Variants in TTC29 observed in about 807,000 individuals in gnomAD.
TTC29 encodes the protein tetratricopeptide repeat domain 29.
TTC29 carries 49 observed loss-of-function variants against 58.1 expected under a neutral mutation model. The ratio of observed to expected loss-of-function variants is 0.84; its 90% CI spans 0.67 to 1.07. TTC29 has a LOEUF of 1.07. Among genes scored for constraint, TTC29 ranks in the 50% least tolerant of loss-of-function variants. The pLI is 0.00. For missense variants in TTC29, 582 were observed against 555.6 expected, an observed-to-expected ratio of 1.05 and a Z score of -0.48; for synonymous variants, 209 against 196.8, an observed-to-expected ratio of 1.06 and a Z score of -0.52.
chr4:146,710,809 G>A (rs1383686603), intron 11 of TTC29, among the ~76,000 whole-genome samples: 3 of 152,092 alleles, frequency 2.0e-5, no homozygotes, highest in Admixed American at 6.6e-5. Flanking sequence ...GTAGATTCAA[G>A]TGGGCAACAA....
chr4:146,766,929 A>G (rs184918955), intron 11 of TTC29, among the ~76,000 whole-genome samples: 16 of 152,210 alleles, frequency 1.1e-4, no homozygotes, highest in African/African-American at 3.1e-4. Context: ...TAAGATAAAA[A>G]AAAGATAATT....
chr4:146,817,621 C>T (rs997059571), intron 10 of TTC29, among the ~76,000 whole-genome samples: 13 of 152,294 alleles, frequency 8.5e-5, no homozygotes, highest in African/African-American at 3.1e-4. Flanking sequence ...GCCCGCATCA[C>T]CAAGTCAATC....
At chr4:146,782,668 T>G (rs1748710111) in intron 11 of TTC29, among the ~76,000 whole-genome samples, 1 of 151,988 alleles carries the variant, frequency 6.6e-6, no homozygotes, top group African/African-American at 2.4e-5. Context: ...TATTCCATGA[T>G]GTAAAATGCT....
At chr4:146,888,202 G>A (rs1289708471) in intron 6 of TTC29, among the ~76,000 whole-genome samples, 2 of 152,190 alleles carry the variant, frequency 1.3e-5, no homozygotes, top group African/African-American at 4.8e-5. Flanking sequence ...TTGCTAGACT[G>A]CTTTGTGGTA....
intron 11 of TTC29, among the ~76,000 whole-genome samples, chr4:146,753,194 C>G (rs1746155026): frequency 6.6e-6 from 1 of 152,042 alleles, no homozygotes; most frequent in Non-Finnish European, 1.5e-5. Context: ...TGAACTCAAA[C>G]AAATTTACAA....
At position 146,874,700 on chromosome 4, in the gene TTC29, G is replaced by A; in HGVS notation, c.799+16C>T. The A allele has an allele frequency of 6.3e-7, 1 of 1,577,506 alleles. No homozygotes were observed. The highest frequency in any genetic ancestry group is 1.8e-5 in the Admixed American group (1 of 56,182). ...CCATTAAAGAAAGCAATGTGAGAGA[G>A]TTCTTTTCCACCCACCTTCTTTGGC... On this transcript the variant is annotated intron_variant, in intron 7 of 12. Coordinates refer to ENST00000325106, the MANE Select transcript of TTC29 (RefSeq NM_031956.4).
At chr4:146,860,852 T>C (rs1323819574) in intron 8 of TTC29, among the ~76,000 whole-genome samples, 1 of 152,164 alleles carries the variant, frequency 6.6e-6, no homozygotes. Flanking sequence ...GTCAACCACA[T>C]CTACAAGTTA....
At chr4:146,888,137 G>T (rs1007084340) in intron 6 of TTC29, among the ~76,000 whole-genome samples, 2 of 152,126 alleles carry the variant, frequency 1.3e-5, no homozygotes, top group African/African-American at 4.8e-5. Flanking sequence ...AGTGGAGTAG[G>T]TGGTTTCGTT....
intron 11 of TTC29, among the ~76,000 whole-genome samples, chr4:146,787,568 G>A (rs1749115584): frequency 1.3e-5 from 2 of 152,184 alleles, no homozygotes; most frequent in South Asian, 4.1e-4. Flanking sequence ...ACAGCTGCCA[G>A]TTAACAGATG....
At chr4:146,930,092 T>TATATATATATATATATATATATACACAC (rs1345363970) in intron 4 of TTC29, among the ~76,000 whole-genome samples, 1 of 99,424 alleles carries the variant, frequency 1.0e-5, no homozygotes, top group African/African-American at 4.5e-5. Context: ...TGCATATATA[T>TATATATATATATATATATATATACACAC]ATATATATAT....
rs1254494898 is a variant in TTC29, at chr4:146,750,814, G to GACTT, written c.1331-43267_1331-43264dup. On this transcript the variant is annotated intron_variant, in intron 11 of 12. Transcript: ENST00000325106. Reference sequence around the variant, plus strand: ...ACAGGAGAGGATGAAAGGAACAAAGGACTTATAAAACAATCTGAAAACAAC... The same window carrying GACTT: ...ACAGGAGAGGATGAAAGGAACAAAGGACTTACTTATAAAACAATCTGAAAACAAC... Among the ~76,000 whole-genome samples the GACTT allele has an allele frequency of 2.6e-5, 4 of 151,994 alleles. 1 individual carries two copies. In the South Asian group the frequency reaches 8.3e-4, roughly 32 times the overall value.
At chr4:146,723,527 TA>T (rs1449752548) in intron 11 of TTC29, among the ~76,000 whole-genome samples, 1 of 152,114 alleles carries the variant, frequency 6.6e-6, no homozygotes, top group Non-Finnish European at 1.5e-5. Context: ...GGAACTTAAT[TA>T]AATGAGCAAA....
At chr4:146,708,328 A>ACACACATG (rs1406643090) in intron 11 of TTC29, among the ~76,000 whole-genome samples, 1 of 47,560 alleles carries the variant, frequency 2.1e-5, no homozygotes, top group African/African-American at 5.5e-5. Context: ...ATATATATAT[A>ACACACATG]TATATATATA....
At chr4:146,763,932 A>G (rs1033287738) in intron 11 of TTC29, 2 of 152,032 alleles carry the variant, frequency 1.3e-5, no homozygotes, top group African/African-American at 4.8e-5. Context: ...AGAAAAAAAT[A>G]ACACACAAAA....
At chr4:146,707,427 C>G in intron 12 of TTC29, 58 bp downstream of exon 12, 1 of 1,237,084 alleles carries the variant, frequency 8.1e-7, no homozygotes, top group Non-Finnish European at 1.2e-6. Context: ...TGAGATTATG[C>G]TTAGTATATT....
At chr4:146,894,378 T>A (rs1367642461) in intron 6 of TTC29, among the ~76,000 whole-genome samples, 1 of 151,706 alleles carries the variant, frequency 6.6e-6, no homozygotes, top group African/African-American at 2.4e-5. Flanking sequence ...ATGTCCTTTG[T>A]AGGGACATGG....
At chr4:146,883,190 T>A (rs760813107) in intron 6 of TTC29, among the ~76,000 whole-genome samples, 1 of 152,080 alleles carries the variant, frequency 6.6e-6, no homozygotes, top group African/African-American at 2.4e-5. Context: ...GAGACCAGGT[T>A]TTGGCCATCT....
chr4:146,777,613 G>GT (rs1321966162), intron 11 of TTC29, among the ~76,000 whole-genome samples: 1 of 152,050 alleles, frequency 6.6e-6, no homozygotes, highest in Non-Finnish European at 1.5e-5. Context: ...TCCAGCTGCA[G>GT]TGTTCTAAGC....
chr4:146,753,988 G>A (rs983563200), intron 11 of TTC29, among the ~76,000 whole-genome samples: 12 of 151,646 alleles, frequency 7.9e-5, no homozygotes, highest in Admixed American at 6.6e-4. Context: ...ACACCATCAT[G>A]GCACATGCAT....
Sources: allele counts gnomAD v4.1 joint callset (sites outside exome capture counted in the v4.1 genomes callset), GRCh38; gene constraint gnomAD v4.1.1; transcripts MANE v1.5; gene names NCBI Gene and HGNC (gene_info 2026-07-23, HGNC 2026-07-21).